CFAP44: variants seen among roughly 807,000 people sequenced by gnomAD.
CFAP44 encodes cilia- and flagella-associated protein 44.
Under a neutral mutation model 216.2 loss-of-function variants are expected in CFAP44, and 134 were observed. The observed-to-expected ratio is 0.62, with a 90% CI of 0.54 to 0.72. The LOEUF (loss-of-function observed/expected upper bound fraction) is 0.72. Among genes scored for constraint, CFAP44 ranks in the 30% least tolerant of loss-of-function variants. CFAP44 has a pLI of 0.00. For missense variants in CFAP44, 2,035 were observed against 2,182.1 expected, an observed-to-expected ratio of 0.93 and a Z score of 1.34; for synonymous variants, 700 against 727.6, an observed-to-expected ratio of 0.96 and a Z score of 0.61.
chr3:113,304,913 A>T (rs1433946300), intron 31 of CFAP44, 123 bp downstream of exon 31: 3 of 742,330 alleles, frequency 4.0e-6, no homozygotes, highest in Non-Finnish European at 4.4e-6. Context: ...GTCATTCTAC[A>T]GGTGGAATTC....
chr3:113,306,213 T>C lies in CFAP44; in HGVS notation c.4746A>G (p.Thr1582=). The change falls in exon 30 of 35, where the codon ACA becomes ACG. Residue 1582 remains threonine, a synonymous_variant. Coordinates refer to ENST00000393845, the MANE Select transcript of CFAP44 (RefSeq NM_001164496.2). ...IVDNLKKEYD[T]LSKKVKIVAT... Reference sequence around the variant, plus strand: ...CAGATCACCATACTTTTTTTGACAATGTATCATATTCCTTTTTGAGGTTAT... The same window carrying C: ...CAGATCACCATACTTTTTTTGACAACGTATCATATTCCTTTTTGAGGTTAT... The C allele has an allele frequency of 6.5e-7, 1 of 1,536,278 alleles. No individual in the cohort carries two copies. The highest frequency in any genetic ancestry group is 1.4e-5 in the African/African-American group (1 of 73,092).
intron 22 of CFAP44, among the ~76,000 whole-genome samples, chr3:113,351,802 T>C (rs1047597552): frequency 1.3e-5 from 2 of 152,206 alleles, no homozygotes; most frequent in Non-Finnish European, 2.9e-5. Context: ...CCTGTGTTTT[T>C]AACCTCCCTG....
At chr3:113,321,387 G>A (rs770066445) in intron 28 of CFAP44, among the ~76,000 whole-genome samples, 4 of 152,196 alleles carry the variant, frequency 2.6e-5, no homozygotes, top group South Asian at 2.1e-4. Context: ...TAATAAGAGC[G>A]CTATGTCAAA....
intron 9 of CFAP44, among the ~76,000 whole-genome samples, chr3:113,403,014 C>T (rs920610239): frequency 6.6e-6 from 1 of 151,978 alleles, no homozygotes; most frequent in Non-Finnish European, 1.5e-5. Flanking sequence ...TAAGAGGACC[C>T]ACTGTGGGAG....
In CFAP44 at chr3:113,327,756, G is replaced by A. The variant is rs1198633559; in HGVS notation, c.4180C>T (p.Leu1394=). ...LRLLRHQKLK[L]DTQMKLSDLH... ...TCAGATAATTTCATCTGAGTATCTA[G>A]TTTTAGTTTCTGATGTCTAAGGAGA... The change falls in exon 27 of 35, where the codon CTA becomes TTA. Residue 1394 remains leucine (L), a synonymous_variant. Transcript: ENST00000393845. 6.5e-7 allele frequency: 1 copy of A among 1,536,900 alleles called. No homozygotes were observed. Among genetic ancestry groups the A allele is most frequent in the Admixed American group, 2.0e-5 (1 of 50,976 alleles).
rs1935164814 is a variant in CFAP44 at position 113,433,642 on chromosome 3, T to A, written c.23A>T (p.Asp8Val). 1 of 1,613,240 alleles carries A rather than the reference T, an allele frequency of 6.2e-7. No homozygotes were observed. Among genetic ancestry groups the A allele is most frequent in the Non-Finnish European group, 8.5e-7 (1 of 1,179,800 alleles). The change falls in exon 2 of 35, where the codon GAT becomes GTT. Residue 8 changes from aspartate to valine, a missense_variant. Physicochemically the swap from Asp to Val is radical, Grantham distance 152. Transcript: ENST00000393845. The part of the protein sequence containing the change: MKEPDDQ[D>V]TDGEKSVTSK... The stretch of plus-strand genomic sequence containing the variant: ...TGTAACTGATTTCTCCCCATCAGTA[T>A]CCTGATCATCTGGTTCCTTCATTTC...
chr3:113,380,675 C>A (rs1270793821), intron 16 of CFAP44, among the ~76,000 whole-genome samples: 1 of 152,152 alleles, frequency 6.6e-6, no homozygotes, highest in Non-Finnish European at 1.5e-5. Context: ...AGGATCTTCT[C>A]TCTTTTCCTC....
rs1949830809 is a variant in CFAP44, at chr3:113,291,700, C to T, written c.5422G>A (p.Glu1808Lys). The T allele has an allele frequency of 6.5e-7, 1 of 1,536,800 alleles. No homozygotes were observed. Among genetic ancestry groups the T allele is most frequent in the East Asian group, 2.4e-5 (1 of 40,934 alleles). The change falls in exon 35 of 35, where the codon GAG becomes AAG. Residue 1808 changes from glutamate to lysine, a missense_variant. Physicochemically the swap from Glu to Lys is moderately conservative, Grantham distance 56. This residue lies in a region of CFAP44 where 1,883 missense variants were observed against 2,023.7 expected (regional missense o/e 0.93). Transcript: ENST00000393845. The stretch of plus-strand genomic sequence containing the variant: ...TGGAGTTGGATCAATTCAGTGACCT[C>T]CTCTCTTGCCACAACATCTGCTTCC... ...PREADVVARE[E>K]VTELIQLQAE...
chr3:113,312,880 TGGAA>T (rs1298554749), intron 28 of CFAP44, among the ~76,000 whole-genome samples: 1 of 151,998 alleles, frequency 6.6e-6, no homozygotes, highest in Non-Finnish European at 1.5e-5. Flanking sequence ...AGAGGATGTA[TGGAA>T]ATGCCTGGAT....
intron 15 of CFAP44, 91 bp from the exon 16 acceptor site, chr3:113,381,151 T>G: frequency 1.1e-6 from 1 of 913,982 alleles, no homozygotes; most frequent in African/African-American, 1.7e-5. Flanking sequence ...AATTACTATG[T>G]ATATTAGCCA....
chr3:113,357,672 TA>T (rs573952519), intron 22 of CFAP44, among the ~76,000 whole-genome samples: 15 of 152,208 alleles, frequency 9.9e-5, no homozygotes, highest in Non-Finnish European at 1.9e-4. Context: ...AGTACTTTTT[TA>T]CAGTAGCCCT....
intron 28 of CFAP44, among the ~76,000 whole-genome samples, chr3:113,312,064 T>G (rs1361979996): frequency 2.1e-5 from 3 of 143,132 alleles, no homozygotes; most frequent in Non-Finnish European, 4.5e-5. Flanking sequence ...TGTGTCTGTG[T>G]GTGTGTGTGT....
intron 28 of CFAP44, among the ~76,000 whole-genome samples, chr3:113,310,348 A>G (rs1422955174): frequency 6.6e-6 from 1 of 152,230 alleles, no homozygotes; most frequent in Non-Finnish European, 1.5e-5. Flanking sequence ...TTGATCACAG[A>G]AACTACATGT....
chr3:113,324,110 T>C (rs1230585155), intron 28 of CFAP44, among the ~76,000 whole-genome samples: 2 of 151,684 alleles, frequency 1.3e-5, no homozygotes, highest in Non-Finnish European at 2.9e-5. Context: ...AAAGTTGAAT[T>C]TGTAATTTAA....
chr3:113,332,857 C>T (rs919298145), intron 25 of CFAP44, among the ~76,000 whole-genome samples: 5 of 152,008 alleles, frequency 3.3e-5, no homozygotes, highest in Non-Finnish European at 5.9e-5. Context: ...TCCATGGCAA[C>T]GAAAAACTAC....
chr3:113,357,834 C>A (rs1413894305), intron 22 of CFAP44, among the ~76,000 whole-genome samples: 1 of 152,112 alleles, frequency 6.6e-6, no homozygotes, highest in Non-Finnish European at 1.5e-5. Flanking sequence ...AGCAGTTCCA[C>A]AACTGAGTAT....
intron 15 of CFAP44, among the ~76,000 whole-genome samples, chr3:113,392,468 T>C (rs1159407808): frequency 8.2e-6 from 1 of 122,628 alleles, no homozygotes; most frequent in African/African-American, 3.3e-5. Context: ...AAAAAATACA[T>C]AGAATGAATA....
In CFAP44 at chr3:113,351,493, C is replaced by A. The variant is rs528409033; in HGVS notation, c.3066-6781G>T. Among the ~76,000 whole-genome samples the A allele has an allele frequency of 1.4e-3, 217 of 152,332 alleles. 2 individuals carry two copies. The highest frequency in any genetic ancestry group is 1.1e-3 in the Non-Finnish European group (73 of 68,036). ...CTCAGTTTGCAAGAAATAATGAAAT[C>A]TATCCTTACTCTACAATCCCAAATA... On this transcript the variant is annotated intron_variant, in intron 22 of 34. Transcript: ENST00000393845.
chr3:113,426,649 G>T (rs914642652), intron 3 of CFAP44: 7 of 210,120 alleles, frequency 3.3e-5, no homozygotes, highest in Non-Finnish European at 5.8e-5. Flanking sequence ...TCAGGTATGT[G>T]TTTATTAGCA....
Sources: allele counts gnomAD v4.1 joint callset (sites outside exome capture counted in the v4.1 genomes callset), GRCh38; gene constraint gnomAD v4.1.1; regional missense constraint gnomAD v4.1.1; transcripts MANE v1.5; gene names NCBI Gene and HGNC (gene_info 2026-07-23, HGNC 2026-07-21).